UNC5D: variants seen among roughly 807,000 people sequenced by gnomAD.
UNC5D encodes netrin receptor UNC5D.
A neutral mutation model predicts 105.4 loss-of-function variants in UNC5D; 39 were observed. That is an observed-to-expected ratio of 0.37 (90% CI 0.29 to 0.48). The LOEUF (loss-of-function observed/expected upper bound fraction) is 0.48, where lower values mean the gene tolerates loss of function less well. Ranked by LOEUF, UNC5D falls within the 20% of genes least tolerant of loss-of-function variation. The pLI, the probability that UNC5D is intolerant of heterozygous loss-of-function variation, is 0.98. For synonymous variants in UNC5D, 452 were observed against 450.4 expected (o/e 1.00, Z -0.04); for missense variants, 991 against 1,202.4 (o/e 0.82, Z 2.60).
chr8:35,264,979 A>G (rs1355234017), intron 1 of UNC5D, among the ~76,000 whole-genome samples: 1 of 152,200 alleles, frequency 6.6e-6, no homozygotes, highest in Non-Finnish European at 1.5e-5. Flanking sequence ...CAAGTAGTAC[A>G]TTGAAAACAG....
intron 1 of UNC5D, among the ~76,000 whole-genome samples, chr8:35,393,398 G>T (rs1269136353): frequency 1.3e-5 from 2 of 152,018 alleles, no homozygotes; most frequent in Non-Finnish European, 2.9e-5. Flanking sequence ...CTCCCAAAGT[G>T]CTGGGATTAC....
chr8:35,579,782 T>C (rs1237579114), intron 3 of UNC5D, among the ~76,000 whole-genome samples: 1 of 152,196 alleles, frequency 6.6e-6, no homozygotes, highest in African/African-American at 2.4e-5. Flanking sequence ...GTCCAGAATG[T>C]AGTTTGGGGC....
chr8:35,384,231 C>CA (rs1158648604), intron 1 of UNC5D, among the ~76,000 whole-genome samples: 22 of 144,682 alleles, frequency 1.5e-4, no homozygotes, highest in Admixed American at 2.7e-4. Context: ...AAAAAAAAAA[C>CA]AAAAAAAAAC....
intron 4 of UNC5D, among the ~76,000 whole-genome samples, chr8:35,622,509 A>G (rs1269029135): frequency 1.3e-5 from 2 of 152,218 alleles, no homozygotes; most frequent in Non-Finnish European, 1.5e-5. Flanking sequence ...AGCTAATTCT[A>G]TAACTTCTCT....
At chr8:35,270,704 C>T (rs2128833216) in intron 1 of UNC5D, among the ~76,000 whole-genome samples, 1 of 152,258 alleles carries the variant, frequency 6.6e-6, no homozygotes, top group Middle Eastern at 3.4e-3. Context: ...TAAGACACAG[C>T]ATCACTGCTC....
intron 13 of UNC5D, among the ~76,000 whole-genome samples, chr8:35,758,645 G>C (rs1029345479): frequency 2.6e-5 from 4 of 152,176 alleles, no homozygotes; most frequent in African/African-American, 4.8e-5. Context: ...TATGTGGATT[G>C]AGTTTGTATT....
At chr8:35,585,852 G>C (rs1021002660) in intron 3 of UNC5D, among the ~76,000 whole-genome samples, 1 of 151,902 alleles carries the variant, frequency 6.6e-6, no homozygotes, top group Non-Finnish European at 1.5e-5. Context: ...ACGTGGCATT[G>C]TCCTTTAATG....
At chr8:35,525,520 G>C (rs1813804701) in intron 1 of UNC5D, 2 of 1,612,214 alleles carry the variant, frequency 1.2e-6, no homozygotes, top group South Asian at 1.1e-5. Flanking sequence ...CTAACATTGA[G>C]TGAAGCTAGG....
In UNC5D at chr8:35,696,026, T is replaced by C. The variant is rs892396718; in HGVS notation, c.1084+9317T>C. On this transcript the variant is annotated intron_variant, in intron 7 of 16. Transcript: ENST00000404895. ...CTGGGATTACAGGTGGTAGAAAATATTTTTTATAAAGCAAATCCTAATTTG... is the reference window on the plus strand; with the variant it reads ...CTGGGATTACAGGTGGTAGAAAATACTTTTTATAAAGCAAATCCTAATTTG... Among the ~76,000 whole-genome samples the C allele has an allele frequency of 3.9e-5, 6 of 152,082 alleles. No individual in the cohort carries two copies. In the South Asian group the frequency reaches 6.2e-4, roughly 16 times the overall value.
intron 16 of UNC5D, among the ~76,000 whole-genome samples, chr8:35,779,656 A>G (rs1156321904): frequency 6.6e-6 from 1 of 152,112 alleles, no homozygotes; most frequent in Non-Finnish European, 1.5e-5. Context: ...GGGTTTCACC[A>G]TGTGGGCCAG....
intron 2 of UNC5D, among the ~76,000 whole-genome samples, chr8:35,563,672 G>C (rs1239138845): frequency 6.6e-6 from 1 of 151,996 alleles, no homozygotes; most frequent in Non-Finnish European, 1.5e-5. Context: ...AAATATAAAA[G>C]TGGACATCCT....
chr8:35,407,123 T>C lies in UNC5D; in HGVS notation c.104-142169T>C, dbSNP rs1338074464. ...TACACAAATACTTACCATTGTGTTA[T>C]GGCTGCTTAAGGTATTCAGTACAGG... On this transcript the variant is annotated intron_variant, in intron 1 of 16. Coordinates refer to ENST00000404895, the MANE Select transcript of UNC5D (RefSeq NM_080872.4). 3.3e-5 allele frequency among the ~76,000 whole-genome samples: 5 copies of C among 152,280 alleles called. No homozygotes were observed. In the East Asian group the frequency reaches 5.8e-4, roughly 18 times the overall value.
intron 1 of UNC5D, among the ~76,000 whole-genome samples, chr8:35,266,451 G>A (rs538383496): frequency 6.6e-6 from 1 of 152,198 alleles, no homozygotes; most frequent in Admixed American, 6.5e-5. Context: ...TTGCCAAATG[G>A]TTAGGTTAAA....
At chr8:35,681,274 A>G (rs901434560) in intron 4 of UNC5D, among the ~76,000 whole-genome samples, 6 of 152,176 alleles carry the variant, frequency 3.9e-5, no homozygotes, top group Non-Finnish European at 8.8e-5. Flanking sequence ...TTTATTTATT[A>G]TAGTCATTGT....
Position 35,314,326 on chromosome 8 carries a change from C to CA in UNC5D, c.103+78445dup, listed in dbSNP as rs368554668. On this transcript the variant is annotated intron_variant, in intron 1 of 16. Transcript: ENST00000404895. ...GAGTTACTGTTTCTTGGGTAGACCA[C>CA]AAAAAACACTGTATTCTCAAGTATA... 1.5e-3 allele frequency among the ~76,000 whole-genome samples: 229 copies of CA among 152,146 alleles called. 1 individual carries two copies. The highest frequency in any genetic ancestry group is 8.7e-3 in the South Asian group (42 of 4,826).
intron 11 of UNC5D, among the ~76,000 whole-genome samples, chr8:35,745,068 T>A (rs1488863710): frequency 2.0e-5 from 3 of 150,670 alleles, no homozygotes; most frequent in Non-Finnish European, 3.0e-5. Flanking sequence ...AAAAAAAAAA[T>A]TCCCTAGCCT....
At chr8:35,351,920 T>A (rs1280645841) in intron 1 of UNC5D, among the ~76,000 whole-genome samples, 1 of 152,138 alleles carries the variant, frequency 6.6e-6, no homozygotes, top group Non-Finnish European at 1.5e-5. Context: ...ATACATTGGT[T>A]AACTGGTGGT....
intron 1 of UNC5D, among the ~76,000 whole-genome samples, chr8:35,507,008 T>G (rs1223085658): frequency 2.0e-5 from 3 of 152,104 alleles, no homozygotes; most frequent in Non-Finnish European, 4.4e-5. Context: ...AGGTGTTTTC[T>G]TAGAGGTAAG....
intron 1 of UNC5D, among the ~76,000 whole-genome samples, chr8:35,330,818 G>A (rs894734592): frequency 1.3e-5 from 2 of 152,120 alleles, no homozygotes; most frequent in Non-Finnish European, 2.9e-5. Context: ...TTTGGCTTTC[G>A]AGTGTATTCT....
Sources: gnomAD v4.1 joint callset for allele counts (sites outside exome capture counted in the v4.1 genomes callset) on GRCh38, gnomAD v4.1.1 for gene constraint, MANE v1.5 for transcripts, NCBI Gene and HGNC (gene_info 2026-07-23, HGNC 2026-07-21) for gene names.